Variants in UTS2 observed in about 807,000 individuals in gnomAD.
UTS2 encodes the protein urotensin 2, also known as urotensin-2.
A neutral mutation model predicts 12.6 loss-of-function variants in UTS2; 10 were observed. The observed-to-expected ratio is 0.80, with a 90% CI of 0.49 to 1.35. The LOEUF is 1.35. Ranked by LOEUF, UTS2 falls within the 40% of genes most tolerant of loss-of-function variation. The pLI is 0.00. For synonymous variants in UTS2, 52 were observed against 50.0 expected (o/e 1.04, Z -0.17); for missense variants, 142 against 143.2 (o/e 0.99, Z 0.04).
chr1:7,878,747 A>G, the UTS2 span, among the ~76,000 whole-genome samples: 2 of 152,194 alleles, frequency 1.3e-5, no homozygotes, highest in Non-Finnish European at 2.9e-5. Context: ...TATGAAAAAA[A>G]TGATCCAACT....
chr1:7,897,740 C>T, the UTS2 span, among the ~76,000 whole-genome samples: 1 of 152,098 alleles, frequency 6.6e-6, no homozygotes, highest in East Asian at 1.9e-4. Context: ...GCACCCGCCA[C>T]CACGCCCGGC....
the UTS2 span, among the ~76,000 whole-genome samples, chr1:7,859,854 C>A: frequency 1.3e-5 from 2 of 152,070 alleles, no homozygotes; most frequent in South Asian, 4.1e-4. Context: ...GAAAAATTAG[C>A]CAGGCATGGT....
At chr1:7,871,767 GA>G in the UTS2 span, among the ~76,000 whole-genome samples, 1 of 151,910 alleles carries the variant, frequency 6.6e-6, no homozygotes. Flanking sequence ...GTTACTATTC[GA>G]ATTGTTTGGG....
At chr1:7,884,152 T>C in the UTS2 span, among the ~76,000 whole-genome samples, 1 of 152,212 alleles carries the variant, frequency 6.6e-6, no homozygotes, top group Non-Finnish European at 1.5e-5. Context: ...ATCTGTAATA[T>C]TTCTGTGGTA....
chr1:7,858,655 C>T, the UTS2 span, among the ~76,000 whole-genome samples: 1 of 152,162 alleles, frequency 6.6e-6, no homozygotes, highest in East Asian at 1.9e-4. Context: ...CAGCTTACTG[C>T]AACCACCACC....
the UTS2 span, among the ~76,000 whole-genome samples, chr1:7,912,192 ATAGAGCCAAATGGCTAAAATAGT>A: frequency 1.3e-3 from 49 of 37,540 alleles, no homozygotes; most frequent in East Asian, 0.024. Context: ...TAAATTTAAA[ATAGAGCCAAATGGCTAAAATAGT>A]TAGCCATTTG....
chr1:7,884,862 TCCAC>T, the UTS2 span, among the ~76,000 whole-genome samples: 15 of 150,730 alleles, frequency 1.0e-4, no homozygotes, highest in African/African-American at 3.2e-4. Context: ...TATCCATCCA[TCCAC>T]CCACCCATCC....
chr1:7,902,976 C>T, the UTS2 span, among the ~76,000 whole-genome samples: 80 of 151,556 alleles, frequency 5.3e-4, 2 homozygotes, highest in South Asian at 0.014. Context: ...CTCCAGTTTA[C>T]TGTCTGGCTT....
At chr1:7,874,162 T>C in the UTS2 span, among the ~76,000 whole-genome samples, 2 of 152,252 alleles carry the variant, frequency 1.3e-5, no homozygotes, top group East Asian at 3.9e-4. Context: ...CAAGAGAAAC[T>C]GCCCAACGTA....
the UTS2 span, among the ~76,000 whole-genome samples, chr1:7,894,796 T>G: frequency 3.3e-5 from 5 of 150,254 alleles, no homozygotes; most frequent in South Asian, 1.1e-3. Context: ...CCCGGCAACA[T>G]GGTGAAACCC....
At chr1:7,903,511 G>A in the UTS2 span, among the ~76,000 whole-genome samples, 33 of 151,766 alleles carry the variant, frequency 2.2e-4, no homozygotes, top group Middle Eastern at 3.4e-3. Context: ...CCCAACCTCC[G>A]GAGTAGTAGC....
chr1:7,894,256 C>T, the UTS2 span, among the ~76,000 whole-genome samples: 1 of 151,524 alleles, frequency 6.6e-6, no homozygotes, highest in South Asian at 2.1e-4. Context: ...GATCATAGCT[C>T]ACTGCAGCCT....
At chr1:7,856,090 G>A (rs766121689), upstream of UTS2, among the ~76,000 whole-genome samples, 12 of 151,184 alleles carry the variant, frequency 7.9e-5, no homozygotes, top group African/African-American at 2.9e-4. Flanking sequence ...CTCGGCCCCC[G>A]GAAGTGCTGG....
the UTS2 span, among the ~76,000 whole-genome samples, chr1:7,911,420 T>G: frequency 6.6e-6 from 1 of 152,056 alleles, no homozygotes; most frequent in African/African-American, 2.4e-5. Context: ...GCTAAATACC[T>G]TATTCATTTA....
chr1:7,893,598 C>T, the UTS2 span, among the ~76,000 whole-genome samples: 1 of 152,162 alleles, frequency 6.6e-6, no homozygotes, highest in Non-Finnish European at 1.5e-5. Context: ...CACAGACCCC[C>T]AACAGCGTTG....
the UTS2 span, among the ~76,000 whole-genome samples, chr1:7,892,803 C>T: frequency 6.6e-6 from 1 of 152,028 alleles, no homozygotes; most frequent in African/African-American, 2.4e-5. Flanking sequence ...TTGTCTTTCA[C>T]TTAAAGGGAC....
chr1:7,908,766 C>A, the UTS2 span, among the ~76,000 whole-genome samples: 2 of 151,860 alleles, frequency 1.3e-5, no homozygotes, highest in Non-Finnish European at 2.9e-5. Context: ...ACTGGGGAGG[C>A]CTCACAATCA....
the UTS2 span, among the ~76,000 whole-genome samples, chr1:7,898,260 G>A: frequency 6.6e-6 from 1 of 152,110 alleles, no homozygotes; most frequent in Non-Finnish European, 1.5e-5. Context: ...AAAAGTGGAG[G>A]CAGGGGAATT....
At chr1:7,877,669 T>C in the UTS2 span, among the ~76,000 whole-genome samples, 5 of 152,132 alleles carry the variant, frequency 3.3e-5, no homozygotes, top group African/African-American at 1.2e-4. Context: ...GGTCAGGAGT[T>C]CGAGACCAGC....
Sources: gnomAD v4.1 joint callset for allele counts (sites outside exome capture counted in the v4.1 genomes callset) on GRCh38, gnomAD v4.1.1 for gene constraint, MANE v1.5 for transcripts, NCBI Gene and HGNC (gene_info 2026-07-23, HGNC 2026-07-21) for gene names.